SPATA13: variants seen among roughly 807,000 people sequenced by gnomAD.
SPATA13 encodes the protein spermatogenesis-associated protein 13.
SPATA13 carries 50 observed loss-of-function variants against 104.0 expected under a neutral mutation model. That is an observed-to-expected ratio of 0.48 (90% CI 0.38 to 0.61). The LOEUF is 0.61. SPATA13 is among the 20% of genes least tolerant of loss of function. The probability of loss-of-function intolerance (pLI) is 0.00; values close to 1 mark genes in which losing one functional copy is unlikely to be tolerated. For synonymous variants in SPATA13, 606 were observed against 667.5 expected, an observed-to-expected ratio of 0.91 and a Z score of 1.42; for missense variants, 1,524 against 1,690.6, an observed-to-expected ratio of 0.90 and a Z score of 1.73.
At chr13:24,111,249 G>GA (rs969566735) in intron 3 of SPATA13, among the ~76,000 whole-genome samples, 1 of 151,110 alleles carries the variant, frequency 6.6e-6, no homozygotes, top group Non-Finnish European at 1.5e-5. Context: ...AGAGGCTAGT[G>GA]AAAAAAAAAT....
chr13:24,111,268 A>G (rs1446575329), intron 3 of SPATA13, among the ~76,000 whole-genome samples: 1 of 152,070 alleles, frequency 6.6e-6, no homozygotes, highest in African/African-American at 2.4e-5. Context: ...ATTCTAACAA[A>G]CTATAATATC....
intron 3 of SPATA13, among the ~76,000 whole-genome samples, chr13:24,050,070 A>G (rs1969883): frequency 0.98 from 149,225 of 152,088 alleles, 73,242 homozygotes; most frequent in East Asian, 1. Context: ...ATAGGGTTTC[A>G]CTGTGTGGCC....
At chr13:24,295,025 G>A (rs191103466) in intron 10 of SPATA13, among the ~76,000 whole-genome samples, 157 bp downstream of exon 10, 4 of 152,282 alleles carry the variant, frequency 2.6e-5, no homozygotes, top group Admixed American at 6.5e-5. Flanking sequence ...GAGGCATACT[G>A]TTGAATTTAA....
chr13:24,086,890 G>A (rs1235635615), intron 3 of SPATA13, among the ~76,000 whole-genome samples: 1 of 152,146 alleles, frequency 6.6e-6, no homozygotes, highest in East Asian at 1.9e-4. Flanking sequence ...CGAGGTCAGA[G>A]GAGCAGCCCA....
chr13:24,248,977 C>T (rs1873319857), intron 2 of SPATA13, among the ~76,000 whole-genome samples: 1 of 151,368 alleles, frequency 6.6e-6, no homozygotes, highest in African/African-American at 2.4e-5. Context: ...TCAAGCAATT[C>T]TCCTGTCTCA....
chr13:24,093,016 T>C (rs9580865), intron 3 of SPATA13, among the ~76,000 whole-genome samples: 8,151 of 152,288 alleles, frequency 0.054, 692 homozygotes, highest in African/African-American at 0.18. Context: ...AATCTTATTT[T>C]CCAGAGCATC....
chr13:24,302,761 C>G lies in SPATA13; in HGVS notation c.3822C>G (p.Pro1274=), dbSNP rs1877297819. 1.9e-5 allele frequency: 30 copies of G among 1,614,094 alleles called. No homozygotes were observed. The East Asian group carries it at 6.5e-4, about 35-fold the overall frequency. The change falls in exon 13 of 13, where the codon CCC becomes CCG. Residue 1274 remains proline, a synonymous_variant. Coordinates refer to ENST00000382108, the MANE Select transcript of SPATA13 (RefSeq NM_001166271.3). ...LFWHTFNRLT[P]FRK ...GGCACACCTTCAACAGGCTCACCCC[C>G]TTCCGGAAATGAAAACAGGAGGCTG...
intron 4 of SPATA13, among the ~76,000 whole-genome samples, chr13:24,255,748 G>C (rs1380779733): frequency 2.0e-5 from 3 of 152,184 alleles, no homozygotes; most frequent in Non-Finnish European, 4.4e-5. Context: ...CCCAGTCCTG[G>C]AACTCCTTCC....
At chr13:24,000,168 G>A (rs149417005) in intron 2 of SPATA13, among the ~76,000 whole-genome samples, 1 of 152,334 alleles carries the variant, frequency 6.6e-6, no homozygotes, top group Non-Finnish European at 1.5e-5. Context: ...TGTCAGCTGT[G>A]GTGGTCTAGA....
chr13:24,161,408 G>A lies in SPATA13; in HGVS notation c.-112+476G>A, dbSNP rs893233015. Among the ~76,000 whole-genome samples, 3 of 152,230 alleles carry A rather than the reference G, an allele frequency of 2.0e-5. No individual in the cohort carries two copies. The highest frequency in any genetic ancestry group is 4.4e-5 in the Non-Finnish European group (3 of 68,038). On this transcript the variant is annotated intron_variant, in intron 1 of 12. Coordinates refer to ENST00000382108, the MANE Select transcript of SPATA13 (RefSeq NM_001166271.3). The surrounding 1 kb of genome is among the most constrained non-coding windows in gnomAD (Gnocchi z 4.5). ...GGACCCGGAGCGATGCGGTTGGAGA[G>A]CTTAGTTTAGAAAGCAAGTTTCTCT...
chr13:24,173,724 GTT>G (rs918755772), intron 1 of SPATA13, among the ~76,000 whole-genome samples: 2 of 151,870 alleles, frequency 1.3e-5, no homozygotes, highest in Non-Finnish European at 2.9e-5. Flanking sequence ...TGATTGTGTG[GTT>G]TTTCTTCTTC....
chr13:24,182,288 G>T (rs1307465091), intron 1 of SPATA13, among the ~76,000 whole-genome samples: 1 of 152,146 alleles, frequency 6.6e-6, no homozygotes, highest in Non-Finnish European at 1.5e-5. Flanking sequence ...GACTGTGTTT[G>T]TCTTTTTTGT....
At position 24,185,006 on chromosome 13, in the gene SPATA13, A is replaced by C. The variant is rs573071365; in HGVS notation, c.-112+24074A>C. 5.9e-5 allele frequency among the ~76,000 whole-genome samples: 9 copies of C among 152,252 alleles called. No homozygotes were observed. The East Asian group carries it at 1.5e-3, about 26-fold the overall frequency. On this transcript the variant is annotated intron_variant, in intron 1 of 12. Coordinates refer to ENST00000382108, the MANE Select transcript of SPATA13 (RefSeq NM_001166271.3). ...AGTGCGGGTGCCTTTGAAAGTGGGC[A>C]CTGGGGCCGTCTTTGAAAGGCACGT...
At chr13:24,155,439 C>T (rs1882229801) in intron 3 of SPATA13, among the ~76,000 whole-genome samples, 1 of 151,992 alleles carries the variant, frequency 6.6e-6, no homozygotes, top group African/African-American at 2.4e-5. Context: ...GAGAATACTG[C>T]TTGTGAAGGA....
At chr13:24,204,913 G>A (rs1320417956) in intron 1 of SPATA13, among the ~76,000 whole-genome samples, 1 of 152,026 alleles carries the variant, frequency 6.6e-6, no homozygotes, top group Non-Finnish European at 1.5e-5. Context: ...GTGAACATCA[G>A]TGTATAAATA....
intron 3 of SPATA13, among the ~76,000 whole-genome samples, chr13:24,045,057 G>A (rs1456245094): frequency 3.3e-5 from 5 of 152,150 alleles, no homozygotes; most frequent in South Asian, 2.1e-4. Context: ...AATCCAGGGC[G>A]GCGGAGTTTG....
At chr13:24,190,306 T>TCC (rs1566141681) in intron 1 of SPATA13, among the ~76,000 whole-genome samples, 434 of 2,832 alleles carry the variant, frequency 0.15, 161 homozygotes, top group Admixed American at 0.26. Context: ...TATATTATTA[T>TCC]ATATAATATA....
chr13:24,111,324 C>G (rs1880631085), intron 3 of SPATA13, among the ~76,000 whole-genome samples: 1 of 152,118 alleles, frequency 6.6e-6, no homozygotes, highest in Admixed American at 6.5e-5. Context: ...TTCAGATACT[C>G]ATTATTTTAT....
Position 24,285,842 on chromosome 13 carries a change from G to A in SPATA13, c.2302-372G>A, listed in dbSNP as rs537090972. ...ATTACAGGAGCCCACCACCACGCCTGGCTAATTTTTGTATTTTTAGTAGAG... is the reference window on the plus strand; with the variant it reads ...ATTACAGGAGCCCACCACCACGCCTAGCTAATTTTTGTATTTTTAGTAGAG... On this transcript the variant is annotated intron_variant, in intron 5 of 12. Coordinates refer to ENST00000382108, the MANE Select transcript of SPATA13 (RefSeq NM_001166271.3). 3.6e-3 allele frequency among the ~76,000 whole-genome samples: 541 copies of A among 152,128 alleles called. 4 individuals are homozygous for A. The highest frequency in any genetic ancestry group is 0.012 in the African/African-American group (499 of 41,486).
Sources: gnomAD v4.1 joint callset for allele counts (sites outside exome capture counted in the v4.1 genomes callset) on GRCh38, gnomAD v4.1.1 for gene constraint, Gnocchi (gnomAD v3.1) non-coding constraint, MANE v1.5 for transcripts, NCBI Gene and HGNC (gene_info 2026-07-23, HGNC 2026-07-21) for gene names.